DAB2IP: variants seen among roughly 807,000 people sequenced by gnomAD.
DAB2IP encodes DAB2 interacting protein.
DAB2IP carries 28 observed loss-of-function variants against 107.2 expected under a neutral mutation model. The ratio of observed to expected loss-of-function variants is 0.26; its 90% CI spans 0.19 to 0.36. The LOEUF (loss-of-function observed/expected upper bound fraction) is 0.36, where lower values mean the gene tolerates loss of function less well. Ranked by LOEUF, DAB2IP falls within the 10% of genes least tolerant of loss-of-function variation. The pLI is 1.00. For missense variants in DAB2IP, 1,400 were observed against 1,644.7 expected (o/e 0.85, Z 2.57); for synonymous variants, 755 against 706.4 (o/e 1.07, Z -1.09).
chr9:121,582,433 G>T (rs1183149456), intron 1 of DAB2IP, among the ~76,000 whole-genome samples: 1 of 152,102 alleles, frequency 6.6e-6, no homozygotes, highest in East Asian at 1.9e-4. Flanking sequence ...GGGTGAGAAG[G>T]AAGGGAAGCC....
At chr9:121,644,221 G>A (rs1053582376) in intron 1 of DAB2IP, among the ~76,000 whole-genome samples, 2 of 151,302 alleles carry the variant, frequency 1.3e-5, no homozygotes, top group Admixed American at 1.3e-4. Flanking sequence ...GGAAGAGGAA[G>A]GGGAAGGGGA....
rs926451464 is a variant in DAB2IP, at chr9:121,684,429, T to C, written c.228+5648T>C. The stretch of plus-strand genomic sequence containing the variant: ...CAGCACCTGGATATCAGCCACCCCG[T>C]CTGAGCTGAGCCCTTCTCCCAGCCC... On this transcript the variant is annotated intron_variant, in intron 2 of 15. Coordinates refer to ENST00000408936, the Ensembl canonical transcript of DAB2IP. The surrounding 1 kb of genome is among the most constrained non-coding windows in gnomAD (Gnocchi z 4.0). Among the ~76,000 whole-genome samples, 1 of 152,154 alleles carries C rather than the reference T, an allele frequency of 6.6e-6. No individual in the cohort carries two copies. The highest frequency in any genetic ancestry group is 1.5e-5 in the Non-Finnish European group (1 of 68,022).
In DAB2IP at chr9:121,782,867, G is replaced by A; in HGVS notation, c.*369G>A. 1.2e-5 allele frequency: 13 copies of A among 1,052,768 alleles called. No individual in the cohort carries two copies. The highest frequency in any genetic ancestry group is 1.5e-5 in the Non-Finnish European group (13 of 872,848). The allele number at this position is 1,052,768 out of a possible 1,614,324, so 65.2% of individuals were successfully genotyped here. On this transcript the variant is annotated 3_prime_UTR_variant, in exon 16 of 16. Transcript: ENST00000408936. The surrounding 1 kb of genome is among the most constrained non-coding windows in gnomAD (Gnocchi z 6.1). Reference sequence around the variant, plus strand: ...TGTCCCCCCACACCTGTGCCAGGGAGGGGGCTTCCTGGAGGGGGGATTCAA... The same window carrying A: ...TGTCCCCCCACACCTGTGCCAGGGAAGGGGCTTCCTGGAGGGGGGATTCAA...
chr9:121,662,868 A>AC lies in DAB2IP; in HGVS notation c.124+10969_124+10970insC, dbSNP rs1833264183. Reference sequence around the variant, plus strand: ...TTCCTGAACTCCAGCAGCACAGAGTAAATGCCAGCTCTCTGCCAGCCCTGG... The same window carrying AC: ...TTCCTGAACTCCAGCAGCACAGAGTACAATGCCAGCTCTCTGCCAGCCCTGG... On this transcript the variant is annotated intron_variant, in intron 1 of 15. Coordinates refer to ENST00000408936, the Ensembl canonical transcript of DAB2IP. This position sits in a 1 kb window ranked among gnomAD's most constrained non-coding sequence, Gnocchi z 4.6. Among the ~76,000 whole-genome samples, 1 of 152,216 alleles carries AC rather than the reference A, an allele frequency of 6.6e-6. No individual in the cohort carries two copies. Among genetic ancestry groups the AC allele is most frequent in the South Asian group, 2.1e-4 (1 of 4,838 alleles).
chr9:121,747,362 C>CTTTTTT lies in DAB2IP; in HGVS notation c.363-9651_363-9650insTTTTTT, dbSNP rs1564196322. ...TAGATGCTTTTTTTTTTTTTTTTTC[C>CTTTTTT]CCTGAGACAGAGTCTCGCTCTGTCG... On this transcript the variant is annotated intron_variant, in intron 3 of 15. Coordinates refer to ENST00000408936, the Ensembl canonical transcript of DAB2IP. Among the ~76,000 whole-genome samples, 845 of 130,182 alleles carry CTTTTTT rather than the reference C, an allele frequency of 6.5e-3. 15 individuals carry two copies. Among genetic ancestry groups the CTTTTTT allele is most frequent in the African/African-American group, 0.025 (792 of 31,710 alleles). 85.4% of individuals were successfully genotyped at this position (130,182 alleles called of 152,430 possible).
At chr9:121,738,288 C>A (rs925928706) in intron 3 of DAB2IP, among the ~76,000 whole-genome samples, 1 of 152,182 alleles carries the variant, frequency 6.6e-6, no homozygotes, top group Non-Finnish European at 1.5e-5. Flanking sequence ...TGTGCCCTCG[C>A]GCTCTCCCAG....
At chr9:121,595,429 CAACA>C (rs34195743) in intron 1 of DAB2IP, among the ~76,000 whole-genome samples, 8 of 150,222 alleles carry the variant, frequency 5.3e-5, no homozygotes, top group East Asian at 2.0e-4. Flanking sequence ...CTTATCTCTA[CAACA>C]AACAAACAAA....
At chr9:121,744,546 C>T (rs1223010370) in intron 3 of DAB2IP, among the ~76,000 whole-genome samples, 1 of 152,192 alleles carries the variant, frequency 6.6e-6, no homozygotes, top group Non-Finnish European at 1.5e-5. Context: ...AGACAGCCAC[C>T]CAGGAGGTGA....
rs996515800 is a variant in DAB2IP at position 121,763,984 on chromosome 9, C to G, written c.1460+105C>G. 3 of 1,493,548 alleles carry G rather than the reference C, an allele frequency of 2.0e-6. No individual in the cohort carries two copies. The African/African-American group carries it at 4.1e-5, about 21-fold the overall frequency. 92.5% of individuals were successfully genotyped at this position (1,493,548 alleles called of 1,614,324 possible). ...GATGCTGCCTGGCCCCTGAGTTGTA[C>G]TGACTTGCCAGTCCCCTGGCCTAGT... On this transcript the variant is annotated intron_variant, in intron 8 of 15. Transcript: ENST00000408936.
In DAB2IP at chr9:121,776,961, A is replaced by G. The variant is rs955858937; in HGVS notation, c.3314+570A>G. Among the ~76,000 whole-genome samples the G allele has an allele frequency of 6.6e-5, 10 of 152,080 alleles. No individual in the cohort carries two copies. The highest frequency in any genetic ancestry group is 3.3e-4 in the Admixed American group (5 of 15,278). On this transcript the variant is annotated intron_variant, in intron 14 of 15. Coordinates refer to ENST00000408936, the Ensembl canonical transcript of DAB2IP. This position sits in a 1 kb window ranked among gnomAD's most constrained non-coding sequence, Gnocchi z 5.4. ...TCCTGAGTTTTAAGGGGCCTGGGTT[A>G]TCTGGGAAAGGGCTTCAGAGGAACA... is the stretch of plus-strand genomic sequence containing the variant.
chr9:121,755,461 C>T (rs910242026), intron 3 of DAB2IP, among the ~76,000 whole-genome samples: 1 of 152,126 alleles, frequency 6.6e-6, no homozygotes, highest in Non-Finnish European at 1.5e-5. Flanking sequence ...ATTCCCTCTG[C>T]TTTCAGAGGC....
At chr9:121,631,119 C>T (rs1320595056) in intron 1 of DAB2IP, among the ~76,000 whole-genome samples, 1 of 152,162 alleles carries the variant, frequency 6.6e-6, no homozygotes, top group Non-Finnish European at 1.5e-5. Context: ...GCTCTTTGTA[C>T]CCATCTCTGT....
At chr9:121,570,572 A>T (rs1296853767) in intron 1 of DAB2IP, among the ~76,000 whole-genome samples, 2 of 151,410 alleles carry the variant, frequency 1.3e-5, no homozygotes, top group Non-Finnish European at 2.9e-5. Context: ...TTATTGAGAC[A>T]GGGTCTCACT....
exon 16 of DAB2IP, chr9:121,783,486 C>A: frequency 6.2e-7 from 1 of 1,614,096 alleles, no homozygotes; most frequent in South Asian, 1.1e-5. Context: ...GATTCTAACG[C>A]CTGCAGGCCC....
rs562998562 is a variant in DAB2IP, at chr9:121,687,474, G to C, written c.228+8693G>C. Among the ~76,000 whole-genome samples the C allele has an allele frequency of 2.0e-5, 3 of 152,314 alleles. No homozygotes were observed. In the East Asian group the frequency reaches 5.8e-4, roughly 29 times the overall value. ...CTCAGTCACTGCCACCCTTTGATGG[G>C]TTATAGGCACCTGTTCCACCTACCA... On this transcript the variant is annotated intron_variant, in intron 2 of 15. Transcript: ENST00000408936.
chr9:121,650,229 C>T (rs1415201149), upstream of DAB2IP, among the ~76,000 whole-genome samples: 1 of 152,192 alleles, frequency 6.6e-6, no homozygotes, highest in Non-Finnish European at 1.5e-5. Context: ...GGGACCAGGG[C>T]AGCTGATAGC....
At chr9:121,783,473 A>G in exon 16 of DAB2IP, 2 of 1,613,830 alleles carry the variant, frequency 1.2e-6, no homozygotes, top group Non-Finnish European at 1.7e-6. Context: ...TGGTTTAAAA[A>G]AAGATTCTAA....
At chr9:121,707,367 G>T (rs1830109520) in intron 3 of DAB2IP, among the ~76,000 whole-genome samples, 2 of 152,128 alleles carry the variant, frequency 1.3e-5, no homozygotes, top group African/African-American at 4.8e-5. Context: ...TCTCAGGTGG[G>T]GCTAGTGGTA....
intron 1 of DAB2IP, among the ~76,000 whole-genome samples, chr9:121,596,050 G>A (rs989822491): frequency 2.0e-5 from 3 of 152,142 alleles, no homozygotes; most frequent in Non-Finnish European, 2.9e-5. Flanking sequence ...GCCAGGCGCG[G>A]TGGCTCATGC....
Sources: gnomAD v4.1 joint callset for allele counts (sites outside exome capture counted in the v4.1 genomes callset) on GRCh38, gnomAD v4.1.1 for gene constraint, Gnocchi (gnomAD v3.1) non-coding constraint, MANE v1.5 for transcripts, NCBI Gene and HGNC (gene_info 2026-07-23, HGNC 2026-07-21) for gene names.